BCAR3: variants seen among roughly 807,000 people sequenced by gnomAD.
The protein encoded by BCAR3 is BCAR3 adaptor protein, NSP family member.
A neutral mutation model predicts 80.1 loss-of-function variants in BCAR3; 37 were observed. The ratio of observed to expected loss-of-function variants is 0.46; its 90% confidence interval spans 0.36 to 0.61. The LOEUF is 0.61. Ranked by LOEUF, BCAR3 falls within the 20% of genes least tolerant of loss-of-function variation. The pLI, the probability that BCAR3 is intolerant of heterozygous loss-of-function variation, is 0.00. For synonymous variants in BCAR3, 389 were observed against 418.9 expected (o/e 0.93, Z 0.87); for missense variants, 978 against 1,068.2 (o/e 0.92, Z 1.18).
intron 2 of BCAR3, among the ~76,000 whole-genome samples, chr1:93,803,382 C>T (rs892575385): frequency 9.2e-5 from 14 of 152,136 alleles, no homozygotes; most frequent in Non-Finnish European, 2.1e-4. Context: ...TTCCTTTCTT[C>T]CTTCCTAGCA....
intron 3 of BCAR3, among the ~76,000 whole-genome samples, chr1:93,622,165 C>T (rs1172902294): frequency 6.6e-6 from 1 of 152,198 alleles, no homozygotes; most frequent in African/African-American, 2.4e-5. Flanking sequence ...TCCCAAAGTG[C>T]TGGGATTACA....
chr1:93,770,882 A>G (rs1163943505), intron 2 of BCAR3, among the ~76,000 whole-genome samples: 1 of 152,096 alleles, frequency 6.6e-6, no homozygotes, highest in Non-Finnish European at 1.5e-5. Context: ...CATTTATTTC[A>G]TCTATGCAAG....
At chr1:93,621,632 T>C (rs1675316575) in intron 3 of BCAR3, among the ~76,000 whole-genome samples, 1 of 152,160 alleles carries the variant, frequency 6.6e-6, no homozygotes, top group East Asian at 1.9e-4. Context: ...TGCAGTTTCT[T>C]ATGGCCGCTG....
intron 2 of BCAR3, among the ~76,000 whole-genome samples, chr1:93,739,851 A>G (rs768749604): frequency 3.3e-5 from 5 of 152,124 alleles, no homozygotes; most frequent in African/African-American, 1.2e-4. Context: ...CCTGGCCAAC[A>G]TGGTGAAACC....
Position 93,575,883 on chromosome 1 carries a change from G to C in BCAR3, c.1802+131C>G, listed in dbSNP as rs1055247780. On this transcript the variant is annotated intron_variant, in intron 8 of 11. Transcript: ENST00000260502. ...CAGGCTTCTGGGAAGAGTCGCTGTA[G>C]GCCATGCGCCCTGAAGTACTGTTAC... The C allele has an allele frequency of 8.9e-6, 6 of 671,808 alleles. No individual in the cohort carries two copies. In the African/African-American group the frequency reaches 1.1e-4, roughly 12 times the overall value. 41.6% of individuals were successfully genotyped at this position (671,808 alleles called of 1,614,324 possible).
intron 3 of BCAR3, among the ~76,000 whole-genome samples, chr1:93,637,799 C>T (rs1489278613): frequency 6.6e-6 from 1 of 152,206 alleles, no homozygotes; most frequent in Non-Finnish European, 1.5e-5. Context: ...CTCCTTACCA[C>T]TGGCTACAAG....
At chr1:93,577,714 C>CGCAT (rs1191907991) in intron 7 of BCAR3, among the ~76,000 whole-genome samples, 1 of 152,200 alleles carries the variant, frequency 6.6e-6, no homozygotes, top group African/African-American at 2.4e-5. Flanking sequence ...CACGCTTCCT[C>CGCAT]GCATATTTAG....
At chr1:93,620,296 C>A (rs1447275701) in intron 3 of BCAR3, among the ~76,000 whole-genome samples, 1 of 152,222 alleles carries the variant, frequency 6.6e-6, no homozygotes, top group East Asian at 1.9e-4. Flanking sequence ...AATTCTAAAA[C>A]TGCTTATTCA....
At chr1:93,647,794 T>C (rs76693191) in intron 2 of BCAR3, among the ~76,000 whole-genome samples, 15 of 152,044 alleles carry the variant, frequency 9.9e-5, no homozygotes, top group South Asian at 2.1e-4. Context: ...TTTTTTTTTT[T>C]CGAGTCTTGC....
intron 3 of BCAR3, among the ~76,000 whole-genome samples, chr1:93,629,707 C>G (rs549132945): frequency 1.1e-4 from 17 of 152,322 alleles, no homozygotes; most frequent in Admixed American, 9.8e-4. Flanking sequence ...CAATCCAGGC[C>G]TCTCGTTTTG....
intron 3 of BCAR3, among the ~76,000 whole-genome samples, chr1:93,605,973 T>C (rs1302799951): frequency 1.3e-5 from 2 of 152,186 alleles, no homozygotes; most frequent in African/African-American, 2.4e-5. Flanking sequence ...CTCTCCAAAA[T>C]AGTACCATGA....
At chr1:93,667,357 G>A (rs1647976792) in intron 2 of BCAR3, among the ~76,000 whole-genome samples, 1 of 152,208 alleles carries the variant, frequency 6.6e-6, no homozygotes, top group African/African-American at 2.4e-5. Context: ...CTGAGATTCT[G>A]TGGAGCCTTC....
rs78641425 is a variant in BCAR3 at position 93,649,382 on chromosome 1, C to T, written c.318-7039G>A. 1.2e-4 allele frequency among the ~76,000 whole-genome samples: 19 copies of T among 152,320 alleles called. No homozygotes were observed. The East Asian group carries it at 3.7e-3, about 29-fold the overall frequency. The stretch of plus-strand genomic sequence containing the variant: ...GCAGCCAGTGCTGCCCCAGAAACCA[C>T]CCACACACAGCACCTGGCTTGGCCA... On this transcript the variant is annotated intron_variant, in intron 2 of 11. Coordinates refer to ENST00000260502, the MANE Select transcript of BCAR3 (RefSeq NM_003567.4).
At chr1:93,691,998 A>C (rs1649210172) in intron 3 of BCAR3, among the ~76,000 whole-genome samples, 1 of 152,370 alleles carries the variant, frequency 6.6e-6, no homozygotes, top group South Asian at 2.1e-4. Flanking sequence ...GAAAAATGCC[A>C]TGATGAAAAG....
intron 5 of BCAR3, among the ~76,000 whole-genome samples, chr1:93,588,432 T>C (rs1171681550): frequency 1.3e-5 from 2 of 152,142 alleles, no homozygotes; most frequent in Non-Finnish European, 2.9e-5. Flanking sequence ...GGTACATCAC[T>C]GTCCATTTCT....
intron 1 of BCAR3, among the ~76,000 whole-genome samples, chr1:93,846,629 C>T (rs1485243513): frequency 1.3e-5 from 2 of 152,060 alleles, no homozygotes; most frequent in East Asian, 2.0e-4. Context: ...CCAGGAAACC[C>T]CGCGGCCGCG....
chr1:93,569,157 C>G (rs532692986), intron 9 of BCAR3, among the ~76,000 whole-genome samples: 13 of 152,306 alleles, frequency 8.5e-5, no homozygotes, highest in African/African-American at 2.9e-4. Flanking sequence ...CAAGGAAGGG[C>G]ATTAGTATTT....
rs536635217 is a variant in BCAR3 at position 93,796,428 on chromosome 1, T to C, written c.-63+49139A>G. ...GGAGTGACCTGATTTTCCAGGTGCG[T>C]CCGTCACCCCTTTCTTTGACTCGGA... On this transcript the variant is annotated intron_variant, in intron 2 of 13. Coordinates refer to the BCAR3 transcript ENST00000370244. 4.7e-5 allele frequency among the ~76,000 whole-genome samples: 7 copies of C among 147,792 alleles called. No homozygotes were observed. In the South Asian group the frequency reaches 1.5e-3, roughly 31 times the overall value.
chr1:93,741,238 A>G (rs921173596), intron 2 of BCAR3, among the ~76,000 whole-genome samples: 5 of 152,206 alleles, frequency 3.3e-5, no homozygotes, highest in African/African-American at 1.2e-4. Flanking sequence ...AGACTTTTAT[A>G]CTGGCTTGCA....
Sources: allele counts gnomAD v4.1 joint callset (sites outside exome capture counted in the v4.1 genomes callset), GRCh38; gene constraint gnomAD v4.1.1; transcripts MANE v1.5; gene names NCBI Gene and HGNC (gene_info 2026-07-23, HGNC 2026-07-21).